Variants in SDK1 observed in about 807,000 individuals in gnomAD.
The protein encoded by SDK1 is protein sidekick-1.
SDK1 carries 157 observed loss-of-function variants against 245.5 expected under a neutral mutation model. That is an observed-to-expected ratio of 0.64 (90% CI 0.56 to 0.73). The LOEUF is 0.73. SDK1 is among the 30% of genes least tolerant of loss of function. SDK1 has a pLI of 0.00. For missense variants in SDK1, 3,583 were observed against 3,002.3 expected (o/e 1.19, Z -4.52); for synonymous variants, 1,647 against 1,278.5 (o/e 1.29, Z -6.15).
Position 4,026,785 on chromosome 7 carries a change from G to T in SDK1, c.2602+9433G>T, listed in dbSNP as rs74746174. The stretch of plus-strand genomic sequence containing the variant: ...ATAACAACGCGAGAACTCAGCCGTG[G>T]CCCATAACAATCTGGAATTAACGAT... On this transcript the variant is annotated intron_variant, in intron 17 of 44. Coordinates refer to ENST00000404826, the MANE Select transcript of SDK1 (RefSeq NM_152744.4). This position sits in a 1 kb window ranked among gnomAD's most constrained non-coding sequence, Gnocchi z 4.1. 3.8e-3 allele frequency among the ~76,000 whole-genome samples: 572 copies of T among 152,220 alleles called. 6 individuals carry two copies. The South Asian group carries it at 0.041, about 11-fold the overall frequency.
chr7:4,255,963 G>A (rs925005544), intron 44 of SDK1, among the ~76,000 whole-genome samples: 22 of 136,382 alleles, frequency 1.6e-4, no homozygotes, highest in Admixed American at 5.6e-4. Flanking sequence ...TCTGTCACCC[G>A]GGCTGGAGTG....
chr7:3,369,517 C>G (rs538917573), intron 1 of SDK1, among the ~76,000 whole-genome samples: 3 of 152,150 alleles, frequency 2.0e-5, no homozygotes, highest in Non-Finnish European at 4.4e-5. Context: ...ACAGAGTGTT[C>G]TGATCCAAGG....
chr7:3,821,588 G>C lies in SDK1; in HGVS notation c.847+5G>C. On this transcript the variant is annotated splice_donor_5th_base_variant and intron_variant, in intron 5 of 44. Coordinates refer to ENST00000404826, the MANE Select transcript of SDK1 (RefSeq NM_152744.4). ...TCATTCATTTGAGCATAGCAAGTGAGTTTTGAAATCCCAAATGGTAATTCT... is the reference window on the plus strand; with the variant it reads ...TCATTCATTTGAGCATAGCAAGTGACTTTTGAAATCCCAAATGGTAATTCT... 2 of 1,611,034 alleles carry C rather than the reference G, an allele frequency of 1.2e-6. No homozygotes were observed. Among genetic ancestry groups the C allele is most frequent in the South Asian group, 1.1e-5 (1 of 90,282 alleles).
chr7:3,684,225 G>T (rs1332346746), intron 4 of SDK1, among the ~76,000 whole-genome samples: 1 of 152,224 alleles, frequency 6.6e-6, no homozygotes, highest in Non-Finnish European at 1.5e-5. Flanking sequence ...TAAGGAGGGT[G>T]AGAGAAGCTG....
intron 1 of SDK1, among the ~76,000 whole-genome samples, chr7:3,385,385 C>G (rs1370316143): frequency 1.3e-5 from 2 of 151,960 alleles, no homozygotes; most frequent in African/African-American, 4.8e-5. Context: ...GAAGAAAATT[C>G]CCATTTTTTG....
intron 22 of SDK1, 130 bp downstream of exon 22, chr7:4,079,714 G>C (rs1584053581): frequency 2.3e-6 from 3 of 1,332,312 alleles, no homozygotes; most frequent in Non-Finnish European, 3.1e-6. Flanking sequence ...GGGAGAACCA[G>C]GGGCTGGAGA....
chr7:3,938,202 T>A (rs927192406), intron 5 of SDK1, among the ~76,000 whole-genome samples: 1 of 152,176 alleles, frequency 6.6e-6, no homozygotes, highest in African/African-American at 2.4e-5. Flanking sequence ...CTCAGCAACT[T>A]TAGAATTCTA....
At chr7:3,874,503 C>T (rs550842892) in intron 5 of SDK1, among the ~76,000 whole-genome samples, 1 of 152,238 alleles carries the variant, frequency 6.6e-6, no homozygotes, top group Admixed American at 6.5e-5. Flanking sequence ...GGGCCTGAGG[C>T]TGTAGTCCTG....
chr7:3,776,579 T>G (rs943017586), intron 4 of SDK1, among the ~76,000 whole-genome samples: 2 of 152,256 alleles, frequency 1.3e-5, no homozygotes, highest in Non-Finnish European at 2.9e-5. Flanking sequence ...AGTATGTGAA[T>G]ATGTATAAAC....
At chr7:3,458,693 A>T (rs768290596) in intron 1 of SDK1, among the ~76,000 whole-genome samples, 8 of 152,128 alleles carry the variant, frequency 5.3e-5, no homozygotes, top group Non-Finnish European at 1.2e-4. Context: ...TGTCTGTTTG[A>T]TGCAGCATCA....
intron 1 of SDK1, among the ~76,000 whole-genome samples, chr7:3,348,983 C>T (rs534666292): frequency 8.5e-5 from 13 of 152,188 alleles, no homozygotes; most frequent in East Asian, 1.9e-4. Context: ...CTGGAGTGTG[C>T]CCCTCACGTT....
At chr7:4,070,300 T>G (rs1479833202) in intron 20 of SDK1, among the ~76,000 whole-genome samples, 1 of 152,180 alleles carries the variant, frequency 6.6e-6, no homozygotes, top group Non-Finnish European at 1.5e-5. Flanking sequence ...CCGGTTCACT[T>G]TGGTTTCCAG....
intron 1 of SDK1, among the ~76,000 whole-genome samples, chr7:3,366,822 A>G (rs1465856656): frequency 2.0e-5 from 3 of 152,016 alleles, no homozygotes; most frequent in Admixed American, 1.3e-4. Flanking sequence ...GCTCACTGCA[A>G]CCTCTGCCTC....
chr7:3,614,810 T>C (rs1451997680), intron 1 of SDK1, among the ~76,000 whole-genome samples: 1 of 151,918 alleles, frequency 6.6e-6, no homozygotes, highest in African/African-American at 2.4e-5. Context: ...TTCCCTTCCC[T>C]TCTCCTTATA....
chr7:4,020,252 C>T (rs570849670), intron 17 of SDK1, among the ~76,000 whole-genome samples: 9 of 152,158 alleles, frequency 5.9e-5, no homozygotes, highest in South Asian at 2.1e-4. Flanking sequence ...GGGTCAGGCA[C>T]GTGGCAGGCA....
intron 1 of SDK1, among the ~76,000 whole-genome samples, chr7:3,361,147 T>C (rs927092103): frequency 1.3e-5 from 2 of 152,220 alleles, no homozygotes; most frequent in Non-Finnish European, 2.9e-5. Flanking sequence ...ACTGTAGTTT[T>C]TTCTATATTA....
rs573641881 is a variant in SDK1, at chr7:3,929,952, G to A, written c.848-20971G>A. Among the ~76,000 whole-genome samples the A allele has an allele frequency of 1.4e-4, 22 of 152,242 alleles. 1 individual carries two copies. The highest frequency in any genetic ancestry group is 8.3e-4 in the South Asian group (4 of 4,818). On this transcript the variant is annotated intron_variant, in intron 5 of 44. Transcript: ENST00000404826. Reference sequence around the variant, plus strand: ...GAGGTGAGGGGAGCCGGCGTGTCACGTTCCTGAAAGCATGGTGTTTTTATT... The same window carrying A: ...GAGGTGAGGGGAGCCGGCGTGTCACATTCCTGAAAGCATGGTGTTTTTATT...
chr7:4,165,336 GCAA>G (rs1781438313), intron 32 of SDK1, among the ~76,000 whole-genome samples: 1 of 152,058 alleles, frequency 6.6e-6, no homozygotes. Flanking sequence ...TCCAGCCTGG[GCAA>G]CAACAGCAAA....
chr7:3,710,434 A>AAAGTTCTCATATT (rs1406711270), intron 4 of SDK1, among the ~76,000 whole-genome samples: 3 of 152,230 alleles, frequency 2.0e-5, no homozygotes, highest in Non-Finnish European at 2.9e-5. Context: ...ATTCTTTATT[A>AAAGTTCTCATATT]AAGTTCTCAT....
Sources: allele counts gnomAD v4.1 joint callset (sites outside exome capture counted in the v4.1 genomes callset), GRCh38; gene constraint gnomAD v4.1.1; non-coding constraint Gnocchi (gnomAD v3.1); transcripts MANE v1.5; gene names NCBI Gene and HGNC (gene_info 2026-07-23, HGNC 2026-07-21).